Variants in BCL2 observed in about 807,000 individuals in gnomAD.
BCL2 encodes the protein BCL2 apoptosis regulator.
BCL2 carries 1 observed loss-of-function variant against 14.2 expected under a neutral mutation model. That is an observed-to-expected ratio of 0.07 (90% CI 0.02 to 0.33). BCL2 has a LOEUF of 0.33. Ranked by LOEUF, BCL2 falls within the 10% of genes least tolerant of loss-of-function variation. The pLI, the probability that BCL2 is intolerant of heterozygous loss-of-function variation, is 0.99. For synonymous variants in BCL2, 151 were observed against 137.2 expected (o/e 1.10, Z -0.70); for missense variants, 247 against 305.9 (o/e 0.81, Z 1.44).
intron 2 of BCL2, among the ~76,000 whole-genome samples, chr18:63,178,003 C>T (rs867649150): frequency 4.6e-5 from 7 of 152,172 alleles, no homozygotes; most frequent in African/African-American, 1.7e-4. Flanking sequence ...AGCCACTTCC[C>T]TAAGCTCACA....
At chr18:63,234,140 C>T (rs1910759124) in intron 2 of BCL2, among the ~76,000 whole-genome samples, 1 of 152,104 alleles carries the variant, frequency 6.6e-6, no homozygotes, top group African/African-American at 2.4e-5. Flanking sequence ...AGGTTAGTTA[C>T]ATAGGTAAAC....
intron 2 of BCL2, among the ~76,000 whole-genome samples, chr18:63,276,725 C>T (rs58140924): frequency 0.044 from 6,715 of 152,276 alleles, 297 homozygotes; most frequent in African/African-American, 0.12. Context: ...CATCTGCAGC[C>T]ATCTGGATTT....
chr18:63,258,125 G>A (rs986321383), intron 2 of BCL2, among the ~76,000 whole-genome samples: 2 of 152,210 alleles, frequency 1.3e-5, no homozygotes, highest in African/African-American at 2.4e-5. Context: ...GGACACAGAG[G>A]GCAAGCTAAG....
At chr18:63,228,041 C>T (rs1469716953) in intron 2 of BCL2, among the ~76,000 whole-genome samples, 4 of 152,192 alleles carry the variant, frequency 2.6e-5, no homozygotes, top group South Asian at 4.1e-4. Flanking sequence ...TACAGATGGC[C>T]GCCTTCTTGC....
chr18:63,126,811 T>C lies in BCL2; in HGVS notation c.*1814A>G. The stretch of plus-strand genomic sequence containing the variant: ...AAACAAAAAAACGCTGAGATGCATG[T>C]ATTTTTTTAAAGCAGCTTTCGAAAT... On this transcript the variant is annotated 3_prime_UTR_variant, in exon 3 of 3. Coordinates refer to ENST00000333681, the MANE Select transcript of BCL2 (RefSeq NM_000633.3). The C allele has an allele frequency of 4.4e-6, 1 of 228,702 alleles. No homozygotes were observed. The highest frequency in any genetic ancestry group is 8.7e-6 in the Non-Finnish European group (1 of 114,980). 14.2% of individuals were successfully genotyped at this position (228,702 alleles called of 1,614,324 possible).
intron 2 of BCL2, among the ~76,000 whole-genome samples, chr18:63,248,389 C>G (rs1329045431): frequency 3.3e-5 from 5 of 152,234 alleles, no homozygotes; most frequent in Non-Finnish European, 7.3e-5. Context: ...GCAAGGTTGT[C>G]TACTACATAG....
chr18:63,253,532 T>C (rs1911377492), intron 2 of BCL2, among the ~76,000 whole-genome samples: 1 of 152,240 alleles, frequency 6.6e-6, no homozygotes, highest in African/African-American at 2.4e-5. Flanking sequence ...CTGAGTCCTA[T>C]TTCAAAACAT....
intron 2 of BCL2, among the ~76,000 whole-genome samples, chr18:63,262,856 A>G (rs1406565040): frequency 6.6e-6 from 1 of 152,186 alleles, no homozygotes; most frequent in Non-Finnish European, 1.5e-5. Context: ...AGGAATATAA[A>G]AATGTTATTT....
At chr18:63,287,692 G>A (rs1912514994) in intron 2 of BCL2, among the ~76,000 whole-genome samples, 1 of 152,122 alleles carries the variant, frequency 6.6e-6, no homozygotes, top group Non-Finnish European at 1.5e-5. Flanking sequence ...CTGGCTAGGA[G>A]GTTACAGCAT....
intron 2 of BCL2, among the ~76,000 whole-genome samples, chr18:63,262,660 AC>A (rs1206712208): frequency 1.3e-5 from 2 of 152,164 alleles, no homozygotes; most frequent in African/African-American, 4.8e-5. Flanking sequence ...CAGGCCACTC[AC>A]TGCAGACTAG....
chr18:63,261,960 A>G (rs1456628897), intron 2 of BCL2, among the ~76,000 whole-genome samples: 1 of 152,118 alleles, frequency 6.6e-6, no homozygotes, highest in Non-Finnish European at 1.5e-5. Flanking sequence ...TTGTATTTTT[A>G]GTAGAGACAA....
At chr18:63,268,238 TAGAA>T (rs1336903738) in intron 2 of BCL2, among the ~76,000 whole-genome samples, 2 of 152,220 alleles carry the variant, frequency 1.3e-5, no homozygotes, top group Non-Finnish European at 2.9e-5. Flanking sequence ...AGATGTTTCT[TAGAA>T]AGAGCATTCT....
chr18:63,135,671 C>T (rs1490259429), intron 2 of BCL2, among the ~76,000 whole-genome samples: 1 of 152,210 alleles, frequency 6.6e-6, no homozygotes. Flanking sequence ...CACCATCTCC[C>T]ATTGCTTCAG....
At chr18:63,203,933 T>G (rs1219005214) in intron 2 of BCL2, among the ~76,000 whole-genome samples, 1 of 152,242 alleles carries the variant, frequency 6.6e-6, no homozygotes, top group Non-Finnish European at 1.5e-5. Flanking sequence ...AGTGAGTTTC[T>G]AATTAATTCA....
intron 2 of BCL2, among the ~76,000 whole-genome samples, chr18:63,162,410 G>T (rs2144620146): frequency 6.6e-6 from 1 of 152,226 alleles, no homozygotes; most frequent in Non-Finnish European, 1.5e-5. Flanking sequence ...ATCTGCTGTG[G>T]TTTGTCTTGG....
chr18:63,214,643 T>A (rs1189808414), intron 2 of BCL2, among the ~76,000 whole-genome samples: 1 of 150,258 alleles, frequency 6.7e-6, no homozygotes, highest in Admixed American at 6.6e-5. Context: ...AAAAAAAAAA[T>A]CATGCTAAAA....
At chr18:63,216,927 G>C (rs985834759) in intron 2 of BCL2, among the ~76,000 whole-genome samples, 3 of 152,196 alleles carry the variant, frequency 2.0e-5, no homozygotes, top group African/African-American at 7.2e-5. Flanking sequence ...GGCACATTCT[G>C]AGAACTGCCT....
At chr18:63,291,729 T>TC (rs1266184349) in intron 2 of BCL2, among the ~76,000 whole-genome samples, 2 of 151,770 alleles carry the variant, frequency 1.3e-5, no homozygotes, top group African/African-American at 4.8e-5. Context: ...AGTATTTCTT[T>TC]TTTTTTTTTT....
intron 2 of BCL2, chr18:63,207,734 A>G (rs1428371717): frequency 6.6e-6 from 1 of 152,146 alleles, no homozygotes; most frequent in Non-Finnish European, 1.5e-5. Context: ...TGCGATATAT[A>G]ATGGTCTCAA....
Sources: gnomAD v4.1 joint callset for allele counts (sites outside exome capture counted in the v4.1 genomes callset) on GRCh38, gnomAD v4.1.1 for gene constraint, MANE v1.5 for transcripts, NCBI Gene and HGNC (gene_info 2026-07-23, HGNC 2026-07-21) for gene names.